CSMD1: variants seen among roughly 807,000 people sequenced by gnomAD.
CSMD1 encodes the protein CUB and sushi domain-containing protein 1.
CSMD1 carries 213 observed loss-of-function variants against 417.5 expected under a neutral mutation model. The observed-to-expected ratio is 0.51, with a 90% CI of 0.46 to 0.57. The LOEUF is 0.57. CSMD1 is among the 20% of genes least tolerant of loss of function. The pLI is 0.00. For missense variants in CSMD1, 6,923 were observed against 4,529.7 expected (o/e 1.53, Z -15.17); for synonymous variants, 2,862 against 1,736.8 (o/e 1.65, Z -16.11).
chr8:4,316,219 G>T (rs1798921594), intron 3 of CSMD1, among the ~76,000 whole-genome samples: 1 of 152,146 alleles, frequency 6.6e-6, no homozygotes, highest in South Asian at 2.1e-4. Context: ...AAAATTTTAT[G>T]ATTTTCTAAT....
At chr8:3,297,236 G>T (rs1312700406) in intron 25 of CSMD1, among the ~76,000 whole-genome samples, 2 of 152,156 alleles carry the variant, frequency 1.3e-5, no homozygotes, top group Non-Finnish European at 2.9e-5. Context: ...TATTATAAAA[G>T]ATGTCAGTTT....
At chr8:3,646,858 G>T (rs930622205) in intron 7 of CSMD1, among the ~76,000 whole-genome samples, 1 of 152,104 alleles carries the variant, frequency 6.6e-6, no homozygotes, top group East Asian at 1.9e-4. Context: ...CTCTCTGGCT[G>T]AATTTGGGTC....
intron 7 of CSMD1, among the ~76,000 whole-genome samples, chr8:3,654,497 G>A (rs1021521356): frequency 1.3e-5 from 2 of 152,098 alleles, no homozygotes; most frequent in African/African-American, 4.8e-5. Context: ...CAAGAGGAGA[G>A]ATACCTAAAT....
chr8:3,127,051 G>A (rs1482411539), intron 41 of CSMD1, among the ~76,000 whole-genome samples: 1 of 152,182 alleles, frequency 6.6e-6, no homozygotes, highest in Non-Finnish European at 1.5e-5. Context: ...AGAAGGAGTA[G>A]ATGCCTGTGA....
intron 3 of CSMD1, among the ~76,000 whole-genome samples, chr8:4,313,811 C>G (rs76932176): frequency 0.27 from 40,147 of 151,470 alleles, 6,043 homozygotes; most frequent in African/African-American, 0.42. Context: ...GTCAGGAGTT[C>G]GAGACTAGCC....
At chr8:3,938,648 C>A (rs1402297483) in intron 5 of CSMD1, among the ~76,000 whole-genome samples, 1 of 152,146 alleles carries the variant, frequency 6.6e-6, no homozygotes, top group African/African-American at 2.4e-5. Flanking sequence ...CACTGCAAGT[C>A]TCTTTGAAGT....
intron 12 of CSMD1, among the ~76,000 whole-genome samples, chr8:3,438,389 C>T (rs1478353357): frequency 6.6e-6 from 1 of 152,146 alleles, no homozygotes; most frequent in African/African-American, 2.4e-5. Context: ...ACAGACATCC[C>T]TCCCGTTGAC....
At chr8:4,483,531 G>A (rs921758771) in intron 2 of CSMD1, among the ~76,000 whole-genome samples, 2 of 152,048 alleles carry the variant, frequency 1.3e-5, no homozygotes, top group Admixed American at 6.6e-5. Context: ...TGAGTGACAA[G>A]GACACCAAAA....
At chr8:4,492,336 G>A (rs192548920) in intron 2 of CSMD1, among the ~76,000 whole-genome samples, 3 of 152,090 alleles carry the variant, frequency 2.0e-5, no homozygotes, top group African/African-American at 7.2e-5. Context: ...GTGATCCAAG[G>A]AGAAAATTTA....
chr8:3,466,577 ATT>A (rs35761429), intron 12 of CSMD1, among the ~76,000 whole-genome samples: 156 of 113,576 alleles, frequency 1.4e-3, no homozygotes, highest in African/African-American at 4.4e-3. Flanking sequence ...CAATCAGCTA[ATT>A]TTTTTTTTTT....
At chr8:4,134,624 G>C (rs1341755127) in intron 3 of CSMD1, among the ~76,000 whole-genome samples, 2 of 152,150 alleles carry the variant, frequency 1.3e-5, no homozygotes, top group Non-Finnish European at 2.9e-5. Flanking sequence ...CGTGCTACCT[G>C]ATTCTCTGAT....
At chr8:4,984,118 A>C (rs1484962536) in intron 1 of CSMD1, among the ~76,000 whole-genome samples, 1 of 152,232 alleles carries the variant, frequency 6.6e-6, no homozygotes, top group Non-Finnish European at 1.5e-5. Context: ...ATGGCCAGTA[A>C]ATCAAAAACT....
Position 3,406,021 on chromosome 8 carries a change from C to G in CSMD1, c.2266+6G>C. ...GGAGAAGAGCGGGGGGTGGCAGGGA[C>G]TGCACCTTCACAGCGGGGCACGGTG... On this transcript the variant is annotated splice_donor_region_variant and intron_variant, in intron 15 of 69. Transcript: ENST00000635120. 6.2e-7 allele frequency: 1 copy of G among 1,612,784 alleles called. No individual in the cohort carries two copies. The highest frequency in any genetic ancestry group is 8.5e-7 in the Non-Finnish European group (1 of 1,179,276).
chr8:4,197,237 A>G (rs189656959), intron 3 of CSMD1, among the ~76,000 whole-genome samples: 1 of 152,324 alleles, frequency 6.6e-6, no homozygotes, highest in East Asian at 1.9e-4. Flanking sequence ...TTATTCACAG[A>G]TAATTTCGTA....
intron 5 of CSMD1, among the ~76,000 whole-genome samples, chr8:3,956,561 A>G (rs1008294170): frequency 1.3e-5 from 2 of 152,236 alleles, no homozygotes; most frequent in Admixed American, 6.5e-5. Flanking sequence ...CAAATACTTA[A>G]TATGTATCAA....
chr8:4,875,279 A>T (rs533191861), intron 1 of CSMD1, among the ~76,000 whole-genome samples: 3 of 152,178 alleles, frequency 2.0e-5, no homozygotes, highest in East Asian at 3.9e-4. Context: ...GGTAATATAC[A>T]AGCTCACTGA....
chr8:3,878,862 A>C (rs182547521), intron 5 of CSMD1, among the ~76,000 whole-genome samples: 1 of 152,332 alleles, frequency 6.6e-6, no homozygotes, highest in African/African-American at 2.4e-5. Flanking sequence ...AAACCATAAT[A>C]AACTGACTGA....
intron 26 of CSMD1, among the ~76,000 whole-genome samples, chr8:3,241,331 C>A (rs1200959990): frequency 6.6e-6 from 1 of 151,544 alleles, no homozygotes; most frequent in South Asian, 2.1e-4. Context: ...GCAAGGGAAA[C>A]AGGTCCTTGA....
intron 1 of CSMD1, among the ~76,000 whole-genome samples, chr8:4,941,257 A>G (rs1807978740): frequency 7.9e-6 from 1 of 125,812 alleles, no homozygotes; most frequent in Admixed American, 9.4e-5. Context: ...TGTTGTTTCA[A>G]ACACAGTAAC....
Sources: allele counts gnomAD v4.1 joint callset (sites outside exome capture counted in the v4.1 genomes callset), GRCh38; gene constraint gnomAD v4.1.1; transcripts MANE v1.5; gene names NCBI Gene and HGNC (gene_info 2026-07-23, HGNC 2026-07-21).